Variants in AFF3 observed in about 807,000 individuals in gnomAD.
The protein encoded by AFF3 is AF4/FMR2 family member 3.
In AFF3, 32 loss-of-function variants were observed where a neutral mutation model predicts 129.7. That is an observed-to-expected ratio of 0.25 (90% CI 0.19 to 0.33). The LOEUF (loss-of-function observed/expected upper bound fraction) is 0.33, where lower values mean the gene tolerates loss of function less well. Among genes scored for constraint, AFF3 ranks in the 10% least tolerant of loss-of-function variants. The pLI is 1.00. For synonymous variants in AFF3, 644 were observed against 635.4 expected, an observed-to-expected ratio of 1.01 and a Z score of -0.20; for missense variants, 1,373 against 1,592.0, an observed-to-expected ratio of 0.86 and a Z score of 2.34.
At chr2:100,004,353 G>A (rs991452186) in intron 7 of AFF3, among the ~76,000 whole-genome samples, 7 of 152,102 alleles carry the variant, frequency 4.6e-5, no homozygotes, top group East Asian at 1.9e-4. Flanking sequence ...ACATTAAATC[G>A]TTTTACCTCT....
intron 11 of AFF3, chr2:99,707,211 A>C (rs1677483101): frequency 2.0e-6 from 2 of 985,320 alleles, no homozygotes; most frequent in Non-Finnish European, 2.4e-6. Context: ...TCCACAGTTA[A>C]AAAGCCATCT....
chr2:99,653,874 T>C lies in AFF3; in HGVS notation c.1144-4208A>G, dbSNP rs1685503235. On this transcript the variant is annotated intron_variant, in intron 12 of 24. Transcript: ENST00000672756. ...GCACCATCAATTGCCTGCACTGCTT[T>C]TTTTCTTTTTTTTTTTTTTTTTGAG... Among the ~76,000 whole-genome samples the C allele has an allele frequency of 3.7e-5, 2 of 53,818 alleles. 1 individual carries two copies. The highest frequency in any genetic ancestry group is 2.0e-3 in the South Asian group (2 of 1,004). 35.3% of individuals were successfully genotyped at this position (53,818 alleles called of 152,430 possible). A position where few individuals can be genotyped will look rare whatever the true frequency, so the allele number is the denominator to read the frequency against.
intron 4 of AFF3, among the ~76,000 whole-genome samples, chr2:100,057,462 T>C (rs1476113084): frequency 1.3e-5 from 2 of 152,174 alleles, no homozygotes; most frequent in African/African-American, 4.8e-5. Context: ...TGTGCCTATT[T>C]AATACTAAAT....
chr2:99,707,556 A>G, intron 11 of AFF3: 1 of 960,132 alleles, frequency 1.0e-6, no homozygotes, highest in Non-Finnish European at 1.2e-6. Context: ...TTACCAAAGT[A>G]TCTCGCTGAA....
chr2:99,650,481 A>G (rs1685135773), intron 12 of AFF3, among the ~76,000 whole-genome samples: 1 of 152,012 alleles, frequency 6.6e-6, no homozygotes, highest in Non-Finnish European at 1.5e-5. Context: ...ATCGCTTGAA[A>G]CCAGAAGGCA....
At chr2:99,942,399 G>A (rs1490411410) in intron 7 of AFF3, among the ~76,000 whole-genome samples, 1 of 152,028 alleles carries the variant, frequency 6.6e-6, no homozygotes, top group African/African-American at 2.4e-5. Context: ...TAATAAAGAA[G>A]AAAATGAAGG....
chr2:99,684,736 C>A (rs1674875404), intron 11 of AFF3, among the ~76,000 whole-genome samples: 1 of 151,782 alleles, frequency 6.6e-6, no homozygotes, highest in Admixed American at 6.6e-5. Context: ...CTCGGCCTCC[C>A]AAAGTGCTGC....
intron 11 of AFF3, among the ~76,000 whole-genome samples, chr2:99,698,037 A>C (rs1478586972): frequency 6.6e-6 from 1 of 152,086 alleles, no homozygotes; most frequent in Non-Finnish European, 1.5e-5. Context: ...ATATAATTCC[A>C]AGTGTGTATC....
chr2:99,875,392 T>C (rs1331944423), intron 7 of AFF3, among the ~76,000 whole-genome samples: 2 of 152,246 alleles, frequency 1.3e-5, no homozygotes, highest in Admixed American at 6.5e-5. Flanking sequence ...TGTCACTCTT[T>C]ATAACCACTT....
At chr2:99,591,014 A>T (rs1575444639) in intron 15 of AFF3, among the ~76,000 whole-genome samples, 3 of 151,338 alleles carry the variant, frequency 2.0e-5, no homozygotes, top group South Asian at 2.1e-4. Context: ...AAAAAAAAAA[A>T]ATTTTTTTTT....
At chr2:99,598,042 C>T (rs1364116228) in intron 14 of AFF3, among the ~76,000 whole-genome samples, 1 of 152,146 alleles carries the variant, frequency 6.6e-6, no homozygotes, top group Non-Finnish European at 1.5e-5. Flanking sequence ...CAGCATTTTC[C>T]AAAATGTGCT....
intron 7 of AFF3, among the ~76,000 whole-genome samples, chr2:99,867,976 G>A (rs1691561071): frequency 6.6e-6 from 1 of 151,784 alleles, no homozygotes; most frequent in Non-Finnish European, 1.5e-5. Context: ...CAGCTGTCAA[G>A]CTGGGCCCCT....
intron 7 of AFF3, among the ~76,000 whole-genome samples, chr2:99,952,988 A>C (rs1160708837): frequency 1.3e-5 from 2 of 152,208 alleles, no homozygotes; most frequent in Non-Finnish European, 2.9e-5. Flanking sequence ...TGATAAGATA[A>C]TACATGGAAA....
intron 7 of AFF3, among the ~76,000 whole-genome samples, chr2:99,915,829 A>G (rs1054406621): frequency 3.9e-5 from 6 of 152,160 alleles, no homozygotes; most frequent in Admixed American, 3.9e-4. Flanking sequence ...TCAAATTTTT[A>G]ATTATGGAAT....
chr2:99,619,750 C>T (rs576933469), intron 13 of AFF3, among the ~76,000 whole-genome samples: 5 of 152,258 alleles, frequency 3.3e-5, no homozygotes, highest in South Asian at 4.1e-4. Context: ...ATGGCTGCTG[C>T]GATTCTCACA....
intron 7 of AFF3, among the ~76,000 whole-genome samples, chr2:99,921,098 C>T (rs1041901583): frequency 6.6e-6 from 1 of 152,090 alleles, no homozygotes; most frequent in Non-Finnish European, 1.5e-5. Flanking sequence ...GTCAAAATCT[C>T]AGCAAAGTTT....
chr2:99,949,679 G>C (rs572412616), intron 7 of AFF3, among the ~76,000 whole-genome samples: 2 of 152,194 alleles, frequency 1.3e-5, no homozygotes, highest in South Asian at 2.1e-4. Flanking sequence ...GCTTCTATAA[G>C]AATCTAATAC....
chr2:100,024,581 C>A (rs2104900975), intron 4 of AFF3, among the ~76,000 whole-genome samples: 1 of 151,980 alleles, frequency 6.6e-6, no homozygotes. Flanking sequence ...GCACTCCAGC[C>A]TGGGCAACAA....
At chr2:99,750,646 A>C (rs1681567009) in intron 9 of AFF3, among the ~76,000 whole-genome samples, 1 of 151,988 alleles carries the variant, frequency 6.6e-6, no homozygotes, top group Non-Finnish European at 1.5e-5. Context: ...TGAACTCCAG[A>C]CCTCAAGCAA....
Sources: gnomAD v4.1 joint callset for allele counts (sites outside exome capture counted in the v4.1 genomes callset) on GRCh38, gnomAD v4.1.1 for gene constraint, MANE v1.5 for transcripts, NCBI Gene and HGNC (gene_info 2026-07-23, HGNC 2026-07-21) for gene names.